Variants in PRR11 observed in about 807,000 individuals in gnomAD.
PRR11 encodes the protein proline rich 11.
A neutral mutation model predicts 45.6 loss-of-function variants in PRR11; 30 were observed. The ratio of observed to expected loss-of-function variants is 0.66; its 90% CI spans 0.49 to 0.89. The LOEUF (loss-of-function observed/expected upper bound fraction) is 0.89. Among genes scored for constraint, PRR11 ranks in the 40% least tolerant of loss-of-function variants. The probability of loss-of-function intolerance (pLI) is 0.00; values close to 1 mark genes in which losing one functional copy is unlikely to be tolerated. For missense variants in PRR11, 373 were observed against 424.8 expected (o/e 0.88, Z 1.07); for synonymous variants, 128 against 153.5 (o/e 0.83, Z 1.23).
At chr17:59,198,451 G>A (rs1246340758) in intron 9 of PRR11, among the ~76,000 whole-genome samples, 2 of 152,124 alleles carry the variant, frequency 1.3e-5, no homozygotes, top group Admixed American at 6.6e-5. Flanking sequence ...CGAGGCAGGT[G>A]AATCATGAGC....
intron 4 of PRR11, among the ~76,000 whole-genome samples, chr17:59,186,154 A>G (rs1164288339): frequency 6.6e-6 from 1 of 152,044 alleles, no homozygotes; most frequent in East Asian, 1.9e-4. Flanking sequence ...ATGGGATCTC[A>G]CTATGTTGCC....
intron 2 of PRR11, among the ~76,000 whole-genome samples, chr17:59,180,513 TTTTTTG>T (rs1568322711): frequency 4.6e-5 from 6 of 131,532 alleles, no homozygotes; most frequent in African/African-American, 1.2e-4. Context: ...TTTTTTTGTT[TTTTTTG>T]TTTTTTTTGC....
At chr17:59,181,598 A>G (rs532076082) in intron 2 of PRR11, 173 of 1,392,722 alleles carry the variant, frequency 1.2e-4, no homozygotes, top group Admixed American at 3.6e-4. Flanking sequence ...TTGAGCCCAC[A>G]CAGCATCTCC....
chr17:59,160,129 T>G (rs752892341), intron 1 of PRR11, among the ~76,000 whole-genome samples: 3 of 152,130 alleles, frequency 2.0e-5, no homozygotes, highest in Admixed American at 6.5e-5. Context: ...ATGATAAAAC[T>G]TATTGCCTGC....
At chr17:59,191,058 C>G (rs2046838552) in intron 4 of PRR11, among the ~76,000 whole-genome samples, 1 of 152,116 alleles carries the variant, frequency 6.6e-6, no homozygotes, top group African/African-American at 2.4e-5. Context: ...TTATGATGGC[C>G]TATTGCGAGA....
Position 59,204,878 on chromosome 17 carries a change from A to G in PRR11, c.*3247A>G, listed in dbSNP as rs1210415860. 6.6e-6 allele frequency among the ~76,000 whole-genome samples: 1 copy of G among 151,958 alleles called. No individual in the cohort carries two copies. The highest frequency in any genetic ancestry group is 1.9e-4 in the East Asian group (1 of 5,176). On this transcript the variant is annotated 3_prime_UTR_variant, in exon 10 of 10. Coordinates refer to ENST00000262293, the MANE Select transcript of PRR11 (RefSeq NM_018304.4). ...ACCCCAACTCTACAAAAAACGAAAA[A>G]TTAGCCGGGAGCGGTGATGTGTGCC... is the stretch of plus-strand genomic sequence containing the variant.
intron 2 of PRR11, chr17:59,177,305 G>A (rs2046753216): frequency 1.8e-6 from 1 of 542,494 alleles, no homozygotes; most frequent in South Asian, 1.4e-5. Context: ...CTTGGGAGAG[G>A]AAGATCGTGG....
intron 1 of PRR11, among the ~76,000 whole-genome samples, chr17:59,167,068 G>A (rs1400408309): frequency 1.3e-5 from 2 of 152,146 alleles, no homozygotes; most frequent in Non-Finnish European, 2.9e-5. Context: ...AGAGGCTGAG[G>A]CAGGAGAATG....
chr17:59,179,842 A>C, intron 2 of PRR11: 1 of 1,345,254 alleles, frequency 7.4e-7, no homozygotes, highest in African/African-American at 1.4e-5. Context: ...TTTTCCAGCA[A>C]AGGGACCCAC....
chr17:59,196,532 G>A (rs1345284005), intron 7 of PRR11, among the ~76,000 whole-genome samples: 1 of 151,860 alleles, frequency 6.6e-6, no homozygotes, highest in Non-Finnish European at 1.5e-5. Context: ...GTGTGCCACA[G>A]TGCTGGCTAA....
At position 59,193,039 on chromosome 17, in the gene PRR11, T is replaced by TATTGA. The variant is rs750918329; in HGVS notation, c.403-453_403-452insATTGA. ...CAGCTGTTCATGCTCATAGCACACT[T>TATTGA]CGTTGCTCTTATTGAAGTATTGTTT... On this transcript the variant is annotated intron_variant, in intron 4 of 9. Transcript: ENST00000262293. Among the ~76,000 whole-genome samples, 173 of 152,348 alleles carry TATTGA rather than the reference T, an allele frequency of 1.1e-3. 1 individual carries two copies. Among genetic ancestry groups the TATTGA allele is most frequent in the Admixed American group, 2.1e-3 (32 of 15,300 alleles).
At chr17:59,183,846 C>A (rs2046800714) in intron 2 of PRR11, among the ~76,000 whole-genome samples, 3 of 152,210 alleles carry the variant, frequency 2.0e-5, no homozygotes, top group South Asian at 4.1e-4. Flanking sequence ...GTTTGTAATC[C>A]CAGCACTTTG....
chr17:59,182,829 T>A (rs1208239096), intron 2 of PRR11, among the ~76,000 whole-genome samples: 1 of 152,148 alleles, frequency 6.6e-6, no homozygotes, highest in Non-Finnish European at 1.5e-5. Flanking sequence ...CTGCTCCTCA[T>A]CCTGGGGGTG....
intron 1 of PRR11, among the ~76,000 whole-genome samples, chr17:59,159,857 G>A (rs1007891215): frequency 6.6e-6 from 1 of 151,942 alleles, no homozygotes; most frequent in African/African-American, 2.4e-5. Flanking sequence ...AACCCTTATG[G>A]GAGAATTATG....
chr17:59,181,485 A>G, intron 2 of PRR11: 2 of 1,109,762 alleles, frequency 1.8e-6, no homozygotes, highest in Admixed American at 3.5e-5. Context: ...ACAGGATTGG[A>G]GGTGCTCTCT....
chr17:59,174,301 C>T (rs2046729951), intron 2 of PRR11, among the ~76,000 whole-genome samples: 1 of 152,208 alleles, frequency 6.6e-6, no homozygotes, highest in Non-Finnish European at 1.5e-5. Context: ...AATGTGACAA[C>T]ATCACAAACC....
At chr17:59,164,222 C>T (rs889475451) in intron 1 of PRR11, among the ~76,000 whole-genome samples, 1 of 152,168 alleles carries the variant, frequency 6.6e-6, no homozygotes. Context: ...ATATGGCCTG[C>T]AAAACCTGAA....
At chr17:59,198,223 T>G (rs1393006667) in intron 9 of PRR11, among the ~76,000 whole-genome samples, 1 of 152,076 alleles carries the variant, frequency 6.6e-6, no homozygotes, top group Non-Finnish European at 1.5e-5. Flanking sequence ...TATTTAGGCT[T>G]CATAAAATTC....
chr17:59,184,032 G>C (rs2046801662), intron 2 of PRR11, among the ~76,000 whole-genome samples: 1 of 152,130 alleles, frequency 6.6e-6, no homozygotes, highest in Admixed American at 6.6e-5. Context: ...TTGAGCCCAG[G>C]ACTTAGAAGC....
Sources: gnomAD v4.1 joint callset for allele counts (sites outside exome capture counted in the v4.1 genomes callset) on GRCh38, gnomAD v4.1.1 for gene constraint, MANE v1.5 for transcripts, NCBI Gene and HGNC (gene_info 2026-07-23, HGNC 2026-07-21) for gene names.